RDX: variants seen among roughly 807,000 people sequenced by gnomAD.
RDX encodes the protein radixin.
A neutral mutation model predicts 83.7 loss-of-function variants in RDX; 32 were observed. That is an observed-to-expected ratio of 0.38 (90% CI 0.29 to 0.51). The LOEUF is 0.51. Among genes scored for constraint, RDX ranks in the 20% least tolerant of loss-of-function variants. RDX has a pLI of 0.87. For missense variants in RDX, 600 were observed against 689.9 expected (o/e 0.87, Z 1.46); for synonymous variants, 229 against 222.7 (o/e 1.03, Z -0.25).
chr11:110,292,455 G>T (rs1210022209), intron 1 of RDX, among the ~76,000 whole-genome samples: 3 of 151,200 alleles, frequency 2.0e-5, no homozygotes, highest in Non-Finnish European at 4.4e-5. Flanking sequence ...GGGTGACAGA[G>T]GAAGACTCTG....
chr11:110,264,968 G>GTA, intron 3 of RDX, 94 bp from the exon 4 acceptor site: 1 of 831,960 alleles, frequency 1.2e-6, no homozygotes, highest in Non-Finnish European at 2.0e-6. Context: ...ACAAAACTAT[G>GTA]TAAGTATACG....
chr11:110,267,622 C>T (rs932679381), intron 3 of RDX, among the ~76,000 whole-genome samples: 1 of 151,292 alleles, frequency 6.6e-6, no homozygotes, highest in Non-Finnish European at 1.5e-5. Flanking sequence ...TGAACCCTTC[C>T]ATTTACTTTC....
At chr11:110,289,035 C>T (rs1044718597) in intron 1 of RDX, among the ~76,000 whole-genome samples, 5 of 151,988 alleles carry the variant, frequency 3.3e-5, no homozygotes, top group Admixed American at 2.0e-4. Context: ...GTTGGGAGTT[C>T]GAGACCAGCC....
At chr11:110,235,304 C>A (rs934542819) in intron 12 of RDX, among the ~76,000 whole-genome samples, 2 of 152,128 alleles carry the variant, frequency 1.3e-5, no homozygotes, top group African/African-American at 4.8e-5. Context: ...TGTGCCACTG[C>A]ACTCCAGCCT....
At chr11:110,272,310 C>A (rs556102079) in intron 3 of RDX, among the ~76,000 whole-genome samples, 1 of 152,282 alleles carries the variant, frequency 6.6e-6, no homozygotes, top group South Asian at 2.1e-4. Context: ...TAAATAAATA[C>A]CTGCTGAAAA....
chr11:110,205,986 T>C (rs1206409128), intron 14 of RDX, among the ~76,000 whole-genome samples: 2 of 152,212 alleles, frequency 1.3e-5, no homozygotes, highest in East Asian at 3.8e-4. Context: ...CCAGACGCAG[T>C]GGCTCATGCC....
chr11:110,271,863 A>C (rs887395470), intron 3 of RDX, among the ~76,000 whole-genome samples: 2 of 152,212 alleles, frequency 1.3e-5, no homozygotes, highest in African/African-American at 4.8e-5. Context: ...CCAAAAATCC[A>C]AAATCCTAAA....
intron 1 of RDX, among the ~76,000 whole-genome samples, chr11:110,294,742 G>A (rs116474942): frequency 4.0e-5 from 6 of 151,668 alleles, no homozygotes; most frequent in African/African-American, 1.5e-4. Context: ...CAAAAGGACA[G>A]ACTCAACGTA....
chr11:110,176,091 T>TC (rs1862768539), intron 15 of RDX, among the ~76,000 whole-genome samples: 1 of 150,302 alleles, frequency 6.7e-6, no homozygotes, highest in East Asian at 1.9e-4. Context: ...TTTTTTTCTT[T>TC]TTTTTTTTTT....
At chr11:110,227,213 T>C (rs1043304106), downstream of RDX, among the ~76,000 whole-genome samples, 1 of 152,182 alleles carries the variant, frequency 6.6e-6, no homozygotes, top group Non-Finnish European at 1.5e-5. Flanking sequence ...ATAGCATATA[T>C]TGTAATACAG....
At chr11:110,242,190 T>A (rs1163763445) in intron 10 of RDX, among the ~76,000 whole-genome samples, 1 of 152,106 alleles carries the variant, frequency 6.6e-6, no homozygotes, top group Non-Finnish European at 1.5e-5. Flanking sequence ...CGGTGGCTCA[T>A]GCCTGTAATC....
At chr11:110,275,273 T>C (rs762089630) in intron 2 of RDX, among the ~76,000 whole-genome samples, 9 of 152,166 alleles carry the variant, frequency 5.9e-5, no homozygotes, top group Non-Finnish European at 8.8e-5. Flanking sequence ...GTACTTAAGA[T>C]TACTAATCAG....
In RDX at chr11:110,254,056, T is replaced by A. The variant is rs370138199; in HGVS notation, c.849A>T (p.Leu283Phe). The change falls in exon 9 of 14, where the codon TTA becomes TTT. Residue 283 changes from leucine to phenylalanine, a missense_variant. Transcript: ENST00000645495. ...RLRINKRILA[L>F]CMGNHELYMR... ...TGTATAGTTCATGGTTTCCCATACA[T>A]AAGGCCAAAATCCGCTTATTGATTC... 26 of 1,613,766 alleles carry A rather than the reference T, an allele frequency of 1.6e-5. No homozygotes were observed. The highest frequency in any genetic ancestry group is 2.2e-5 in the Non-Finnish European group (26 of 1,179,824).
At chr11:110,184,913 G>C (rs1015231924) in intron 15 of RDX, among the ~76,000 whole-genome samples, 36 of 152,168 alleles carry the variant, frequency 2.4e-4, no homozygotes, top group Middle Eastern at 3.4e-3. Flanking sequence ...GACCTTGGAG[G>C]GGGGGCTAGG....
chr11:110,236,756 G>C (rs1417030519), intron 11 of RDX: 3 of 156,152 alleles, frequency 1.9e-5, no homozygotes, highest in South Asian at 4.0e-4. Context: ...GAGTAGCTGG[G>C]ATTACAGGCG....
At chr11:110,290,656 A>T (rs1861204227) in intron 1 of RDX, among the ~76,000 whole-genome samples, 1 of 152,244 alleles carries the variant, frequency 6.6e-6, no homozygotes, top group Non-Finnish European at 1.5e-5. Flanking sequence ...GTCCAAATGT[A>T]CGACTGACAT....
chr11:110,253,514 GT>G (rs1173394382), intron 9 of RDX, among the ~76,000 whole-genome samples: 2 of 152,016 alleles, frequency 1.3e-5, no homozygotes, highest in Non-Finnish European at 2.9e-5. Context: ...AAAGATTAGG[GT>G]CTTTGGCAGG....
rs1864712805 is a variant in RDX at position 110,233,311 on chromosome 11, C to A, written c.1513G>T (p.Val505Leu). ...EASAELSNEG[V>L]MNHRSEEERV... ...TCTTCCTCGCTTCTATGGTTCATTA[C>A]CCCTTCATTTGATAATTCAGCACTA... The change falls in exon 13 of 14, where the codon GTA becomes TTA. Residue 505 changes from valine to leucine, a missense_variant. Transcript: ENST00000645495. The A allele has an allele frequency of 1.9e-6, 3 of 1,613,992 alleles. No homozygotes were observed. Among genetic ancestry groups the A allele is most frequent in the African/African-American group, 2.7e-5 (2 of 74,906 alleles).
chr11:110,269,417 AC>A (rs2134395858), intron 3 of RDX, among the ~76,000 whole-genome samples: 1 of 152,312 alleles, frequency 6.6e-6, no homozygotes, highest in South Asian at 2.1e-4. Context: ...CAAGAAGCAA[AC>A]CAAAGGACTT....
Sources: gnomAD v4.1 joint callset for allele counts (sites outside exome capture counted in the v4.1 genomes callset) on GRCh38, gnomAD v4.1.1 for gene constraint, MANE v1.5 for transcripts, NCBI Gene and HGNC (gene_info 2026-07-23, HGNC 2026-07-21) for gene names.